The following DNAH5 variants were observed in gnomAD, a reference collection of about 807,000 sequenced individuals.
DNAH5 encodes axonemal beta dynein heavy chain 5.
A neutral mutation model predicts 518.2 loss-of-function variants in DNAH5; 372 were observed. The ratio of observed to expected loss-of-function variants is 0.72; its 90% CI spans 0.66 to 0.78. The LOEUF (loss-of-function observed/expected upper bound fraction) is 0.78. DNAH5 is among the 30% of genes least tolerant of loss of function. DNAH5 has a pLI of 0.00. For synonymous variants in DNAH5, 2,039 were observed against 2,025.9 expected (o/e 1.01, Z -0.17); for missense variants, 5,523 against 5,687.0 (o/e 0.97, Z 0.93).
chr5:13,852,727 C>A (rs1467952829), intron 30 of DNAH5, among the ~76,000 whole-genome samples: 2 of 138,886 alleles, frequency 1.4e-5, no homozygotes, highest in African/African-American at 2.6e-5. Flanking sequence ...GGCGGTTTTT[C>A]CCTCACAGTG....
At chr5:13,842,473 AAGAAAGAAAG>A (rs1158767110) in intron 32 of DNAH5, among the ~76,000 whole-genome samples, 1 of 117,332 alleles carries the variant, frequency 8.5e-6, no homozygotes, top group African/African-American at 3.5e-5. Flanking sequence ...GAAAGAAAGA[AAGAAAGAAAG>A]AGAAAGAAAA....
intron 1 of DNAH5, among the ~76,000 whole-genome samples, chr5:13,996,028 T>C (rs961855570): frequency 9.2e-5 from 14 of 152,334 alleles, no homozygotes; most frequent in African/African-American, 3.4e-4. Context: ...TACAACTGTA[T>C]CACTGCATTA....
chr5:14,004,522 CA>C (rs1441788914), intron 1 of DNAH5, among the ~76,000 whole-genome samples: 2 of 152,188 alleles, frequency 1.3e-5, no homozygotes, highest in Non-Finnish European at 2.9e-5. Context: ...CAAAAGTTAT[CA>C]ATACCCAATG....
At chr5:13,805,431 G>C (rs1279107071) in intron 47 of DNAH5, among the ~76,000 whole-genome samples, 1 of 152,150 alleles carries the variant, frequency 6.6e-6, no homozygotes, top group Non-Finnish European at 1.5e-5. Context: ...CCAGGAGGTG[G>C]AGGTTGCAGT....
chr5:14,001,908 GT>G (rs996455617), intron 1 of DNAH5, among the ~76,000 whole-genome samples: 6 of 149,282 alleles, frequency 4.0e-5, no homozygotes, highest in Admixed American at 6.7e-5. Context: ...GTGTTAATTT[GT>G]TTTTTTTTTA....
At chr5:13,742,138 T>A (rs752024024) in intron 65 of DNAH5, among the ~76,000 whole-genome samples, 1 of 152,084 alleles carries the variant, frequency 6.6e-6, no homozygotes, top group Non-Finnish European at 1.5e-5. Context: ...TCACATATTA[T>A]CATAAAAGTG....
Position 13,841,783 on chromosome 5 carries a change from G to A in DNAH5, c.5393C>T (p.Ser1798Phe). The change falls in exon 33 of 79, where the codon TCC becomes TTC. Residue 1798 changes from serine (S) to phenylalanine (F), a missense_variant. Physicochemically the swap from Ser to Phe is radical, Grantham distance 155. Coordinates refer to ENST00000265104, the MANE Select transcript of DNAH5 (RefSeq NM_001369.3). ...CTGGCGAATCACAAGATGCAATGAGGACTGAGATTCTTCCAAAAGAGAATT... is the reference window on the plus strand; with the variant it reads ...CTGGCGAATCACAAGATGCAATGAGAACTGAGATTCTTCCAAAAGAGAATT... ...WLNSLLEESQ[S>F]SLHLVIRQAA... The A allele has an allele frequency of 6.2e-7, 1 of 1,613,780 alleles. No individual in the cohort carries two copies. The highest frequency in any genetic ancestry group is 8.5e-7 in the Non-Finnish European group (1 of 1,179,786).
chr5:13,795,228 C>T (rs1049826402), intron 47 of DNAH5, among the ~76,000 whole-genome samples: 2 of 151,744 alleles, frequency 1.3e-5, no homozygotes, highest in Admixed American at 6.6e-5. Context: ...GACAGACACA[C>T]AAAAAACCCT....
rs750422913 is a variant in DNAH5, at chr5:13,919,259, T to C, written c.892A>G (p.Asn298Asp). 2.3e-5 allele frequency: 37 copies of C among 1,614,058 alleles called. No individual in the cohort carries two copies. In the East Asian group the frequency reaches 7.8e-4, roughly 34 times the overall value. The change falls in exon 7 of 79, where the codon AAC becomes GAC. Residue 298 changes from asparagine (N) to aspartate (D), a missense_variant. This residue lies in a region of DNAH5 where 5,121 missense variants were observed against 5,223.3 expected (regional missense o/e 0.98). Transcript: ENST00000265104. ...EHWKKRLSKF[N>D]YLLEQLKSPD... ...CTTTTCAATTGTTCCAAAAGGTAGT[T>C]AAACTTGGAGAGTCTTTTTTTCCAG...
At chr5:13,743,273 A>G (rs765559932) in intron 65 of DNAH5, among the ~76,000 whole-genome samples, 2 of 152,106 alleles carry the variant, frequency 1.3e-5, no homozygotes, top group African/African-American at 2.4e-5. Flanking sequence ...TAAGGCTACA[A>G]TGTAAAATTC....
intron 61 of DNAH5, 67 bp from the exon 62 acceptor site, chr5:13,754,405 A>G: frequency 6.3e-7 from 1 of 1,577,288 alleles, no homozygotes; most frequent in Non-Finnish European, 8.7e-7. Context: ...TCAAAAATAT[A>G]ATTGTAGAAC....
At chr5:13,769,755 C>A (rs1580144698) in intron 56 of DNAH5, 140 bp from the exon 57 acceptor site, 14 of 717,372 alleles carry the variant, frequency 2.0e-5, no homozygotes, top group East Asian at 8.3e-5. Context: ...GAGGGCTTAG[C>A]AAAAAGGATA....
chr5:13,736,031 T>A, intron 66 of DNAH5, 99 bp from the exon 67 acceptor site: 1 of 960,426 alleles, frequency 1.0e-6, no homozygotes, highest in Non-Finnish European at 1.7e-6. Flanking sequence ...ACAACAACTT[T>A]TATTTTAGGC....
chr5:13,693,064 C>T (rs892250803), intron 78 of DNAH5, among the ~76,000 whole-genome samples: 1 of 152,178 alleles, frequency 6.6e-6, no homozygotes, highest in African/African-American at 2.4e-5. Flanking sequence ...TGCACATCTC[C>T]TAACATGCAT....
At chr5:13,804,675 G>A (rs1759299632) in intron 47 of DNAH5, among the ~76,000 whole-genome samples, 1 of 152,218 alleles carries the variant, frequency 6.6e-6, no homozygotes, top group African/African-American at 2.4e-5. Flanking sequence ...AAGAAATAGT[G>A]ATGTGTTAAC....
intron 22 of DNAH5, 29 bp downstream of exon 22, chr5:13,876,655 G>T: frequency 5.0e-6 from 8 of 1,609,138 alleles, no homozygotes; most frequent in Non-Finnish European, 5.9e-6. Context: ...CAAAGCAAAA[G>T]GTCCGGCTGC....
At chr5:13,960,835 G>A (rs959620924) in intron 1 of DNAH5, among the ~76,000 whole-genome samples, 3 of 152,192 alleles carry the variant, frequency 2.0e-5, no homozygotes, top group Non-Finnish European at 2.9e-5. Context: ...TCAGCACATA[G>A]GTGCCCACGT....
intron 47 of DNAH5, among the ~76,000 whole-genome samples, chr5:13,797,344 C>A (rs984714674): frequency 2.6e-5 from 4 of 152,076 alleles, no homozygotes; most frequent in Non-Finnish European, 4.4e-5. Flanking sequence ...AGAACTCAAA[C>A]AAATTTACAA....
chr5:13,761,670 T>C (rs1165615582), intron 60 of DNAH5, among the ~76,000 whole-genome samples: 2 of 152,140 alleles, frequency 1.3e-5, no homozygotes, highest in African/African-American at 4.8e-5. Flanking sequence ...TCACTTGATA[T>C]AATGGTTCTA....
Sources: gnomAD v4.1 joint callset for allele counts (sites outside exome capture counted in the v4.1 genomes callset) on GRCh38, gnomAD v4.1.1 for gene constraint, gnomAD v4.1.1 regional missense constraint, MANE v1.5 for transcripts, NCBI Gene and HGNC (gene_info 2026-07-23, HGNC 2026-07-21) for gene names.